The following CTNND2 variants were observed in gnomAD, a reference collection of about 807,000 sequenced individuals.
The protein encoded by CTNND2 is catenin delta-2.
CTNND2 carries 22 observed loss-of-function variants against 144.4 expected under a neutral mutation model. The observed-to-expected ratio is 0.15, with a 90% CI of 0.11 to 0.22. The LOEUF is 0.22. Among genes scored for constraint, CTNND2 ranks in the 10% least tolerant of loss-of-function variants. The pLI, the probability that CTNND2 is intolerant of heterozygous loss-of-function variation, is 1.00. For synonymous variants in CTNND2, 751 were observed against 695.6 expected, an observed-to-expected ratio of 1.08 and a Z score of -1.25; for missense variants, 1,353 against 1,618.8, an observed-to-expected ratio of 0.84 and a Z score of 2.82.
chr5:11,656,870 G>T (rs916715304), intron 2 of CTNND2, among the ~76,000 whole-genome samples: 1 of 152,044 alleles, frequency 6.6e-6, no homozygotes. Flanking sequence ...ATCACTTTCG[G>T]CCAGATGGTG....
chr5:11,732,069 G>A (rs1050207322), intron 2 of CTNND2, 67 bp downstream of exon 2: 11 of 1,493,028 alleles, frequency 7.4e-6, no homozygotes, highest in African/African-American at 4.2e-5. Context: ...AATCTTTAAC[G>A]TTCATCTAGA....
rs572231198 is a variant in CTNND2 at position 10,991,965 on chromosome 5, T to G, written c.3211+586A>C. Among the ~76,000 whole-genome samples, 403 of 152,350 alleles carry G rather than the reference T, an allele frequency of 2.6e-3. 1 individual carries two copies. The highest frequency in any genetic ancestry group is 9.4e-3 in the African/African-American group (392 of 41,576). On this transcript the variant is annotated intron_variant, in intron 19 of 21. Coordinates refer to ENST00000304623, the MANE Select transcript of CTNND2 (RefSeq NM_001332.4). The stretch of plus-strand genomic sequence containing the variant: ...CGGAGTCTCACTCTGTCACCCAGGC[T>G]GGGGTGCAGTGGCGCGATCTCTGCT...
chr5:11,097,519 G>T, intron 15 of CTNND2, among the ~76,000 whole-genome samples: 1 of 152,158 alleles, frequency 6.6e-6, no homozygotes, highest in East Asian at 1.9e-4. Context: ...CCCATGAGCT[G>T]GGATGGCACA....
At chr5:11,208,118 T>C (rs1036065587) in intron 10 of CTNND2, among the ~76,000 whole-genome samples, 1 of 152,156 alleles carries the variant, frequency 6.6e-6, no homozygotes, top group Non-Finnish European at 1.5e-5. Context: ...AAAAGCAACA[T>C]GGTATAGAAA....
At chr5:11,796,650 A>T (rs1273916236) in intron 1 of CTNND2, among the ~76,000 whole-genome samples, 1 of 152,190 alleles carries the variant, frequency 6.6e-6, no homozygotes, top group African/African-American at 2.4e-5. Context: ...AATGAGCCCA[A>T]TCTGTTTTTT....
intron 1 of CTNND2, among the ~76,000 whole-genome samples, chr5:11,766,850 T>A (rs1789618412): frequency 6.6e-6 from 1 of 152,172 alleles, no homozygotes; most frequent in Non-Finnish European, 1.5e-5. Context: ...CTACCTTGAA[T>A]TTCAGGGCAA....
intron 3 of CTNND2, among the ~76,000 whole-genome samples, chr5:11,555,641 T>C (rs909981515): frequency 6.6e-6 from 1 of 151,612 alleles, no homozygotes; most frequent in Non-Finnish European, 1.5e-5. Context: ...AAGGAAAGAC[T>C]ATAAGAAGGA....
chr5:10,973,846 C>T lies in CTNND2; in HGVS notation c.3418-133G>A. 1.0e-6 allele frequency: 1 copy of T among 986,480 alleles called. No individual in the cohort carries two copies. Among genetic ancestry groups the T allele is most frequent in the Non-Finnish European group, 1.4e-6 (1 of 705,280 alleles). The allele number at this position is 986,480 out of a possible 1,614,324, so 61.1% of individuals were successfully genotyped here. On this transcript the variant is annotated intron_variant, in intron 21 of 21. Transcript: ENST00000304623. The surrounding 1 kb of genome is among the most constrained non-coding windows in gnomAD (Gnocchi z 5.6). ...GGCATTCACCACTGTGGCCCTGCTTCTCCAAAACTGCCAACTGTCATTGGC... is the reference window on the plus strand; with the variant it reads ...GGCATTCACCACTGTGGCCCTGCTTTTCCAAAACTGCCAACTGTCATTGGC...
At chr5:11,251,363 A>G (rs1474831041) in intron 9 of CTNND2, among the ~76,000 whole-genome samples, 1 of 152,204 alleles carries the variant, frequency 6.6e-6, no homozygotes, top group Non-Finnish European at 1.5e-5. Context: ...ACTTGGAAGC[A>G]GACAATGCCA....
intron 1 of CTNND2, among the ~76,000 whole-genome samples, chr5:11,788,148 T>G (rs2126862583): frequency 1.3e-5 from 2 of 152,322 alleles, no homozygotes; most frequent in South Asian, 4.1e-4. Flanking sequence ...AACCGTAGCC[T>G]TAAAATAACC....
In CTNND2 at chr5:11,903,882, T is replaced by A. The variant is rs1314051386; in HGVS notation, c.-29A>T. The A allele has an allele frequency of 7.6e-6, 11 of 1,444,782 alleles. No homozygotes were observed. Among genetic ancestry groups the A allele is most frequent in the African/African-American group, 7.5e-5 (5 of 67,000 alleles). 89.5% of individuals were successfully genotyped at this position (1,444,782 alleles called of 1,614,324 possible). A position where few individuals can be genotyped will look rare whatever the true frequency, so the allele number is the denominator to read the frequency against. On this transcript the variant is annotated 5_prime_UTR_variant, in exon 1 of 22. Transcript: ENST00000304623. The surrounding 1 kb of genome is among the most constrained non-coding windows in gnomAD (Gnocchi z 5.4). ...CCCTCCGCCGGCGACAGCTCCTCAG[T>A]CCGGGAAGAGGCGTGCGCGGCGCCG...
chr5:11,169,296 AC>A (rs1391863752), intron 11 of CTNND2, among the ~76,000 whole-genome samples: 1 of 152,212 alleles, frequency 6.6e-6, no homozygotes, highest in African/African-American at 2.4e-5. Context: ...GAGGATACTT[AC>A]TGCAGTATGT....
At chr5:11,745,785 G>A (rs1336483047) in intron 1 of CTNND2, among the ~76,000 whole-genome samples, 2 of 152,186 alleles carry the variant, frequency 1.3e-5, no homozygotes, top group South Asian at 2.1e-4. Context: ...ATCACATAAT[G>A]CTTTTTCCCT....
At chr5:11,488,442 T>G (rs1257892402) in intron 3 of CTNND2, among the ~76,000 whole-genome samples, 1 of 152,208 alleles carries the variant, frequency 6.6e-6, no homozygotes, top group African/African-American at 2.4e-5. Context: ...AAAGAACATG[T>G]TAACCAAAAA....
At chr5:11,121,628 T>A (rs1754149755) in intron 12 of CTNND2, among the ~76,000 whole-genome samples, 1 of 152,198 alleles carries the variant, frequency 6.6e-6, no homozygotes, top group Non-Finnish European at 1.5e-5. Flanking sequence ...TATTTTTTAT[T>A]TTAATGCAAC....
chr5:11,044,670 C>T (rs890531396), intron 16 of CTNND2, among the ~76,000 whole-genome samples: 4 of 152,076 alleles, frequency 2.6e-5, no homozygotes, highest in African/African-American at 9.7e-5. Flanking sequence ...GTTTTCCTTC[C>T]AGTGTCACAT....
chr5:11,379,901 G>C lies in CTNND2; in HGVS notation c.1177+4764C>G, dbSNP rs574261237. Reference sequence around the variant, plus strand: ...GCCTTATCTCCCTCTGCGCCTTCATGTCTCACCACCCCTACCACTCTGTCT... The same window carrying C: ...GCCTTATCTCCCTCTGCGCCTTCATCTCTCACCACCCCTACCACTCTGTCT... On this transcript the variant is annotated intron_variant, in intron 7 of 21. Coordinates refer to ENST00000304623, the MANE Select transcript of CTNND2 (RefSeq NM_001332.4). 2.8e-3 allele frequency among the ~76,000 whole-genome samples: 427 copies of C among 152,230 alleles called. 1 individual carries two copies. Among genetic ancestry groups the C allele is most frequent in the Non-Finnish European group, 5.2e-3 (351 of 68,012 alleles).
chr5:11,639,945 A>G (rs1379605226), intron 2 of CTNND2, among the ~76,000 whole-genome samples: 3 of 152,218 alleles, frequency 2.0e-5, no homozygotes, highest in Non-Finnish European at 4.4e-5. Flanking sequence ...GAACCTCAAC[A>G]AGAGAAAACC....
At chr5:11,521,640 A>G (rs1218719672) in intron 3 of CTNND2, among the ~76,000 whole-genome samples, 1 of 152,236 alleles carries the variant, frequency 6.6e-6, no homozygotes, top group African/African-American at 2.4e-5. Flanking sequence ...CTAAAACAGT[A>G]TCCGGCAAAA....
Sources: gnomAD v4.1 joint callset for allele counts (sites outside exome capture counted in the v4.1 genomes callset) on GRCh38, gnomAD v4.1.1 for gene constraint, Gnocchi (gnomAD v3.1) non-coding constraint, MANE v1.5 for transcripts, NCBI Gene and HGNC (gene_info 2026-07-23, HGNC 2026-07-21) for gene names.